PAIP1: variants seen among roughly 807,000 people sequenced by gnomAD.
PAIP1 encodes poly(A) binding protein interacting protein 1, also known as polyadenylate-binding protein-interacting protein 1.
A neutral mutation model predicts 61.3 loss-of-function variants in PAIP1; 16 were observed. The observed-to-expected ratio is 0.26, with a 90% CI of 0.18 to 0.40. The LOEUF (loss-of-function observed/expected upper bound fraction) is 0.40. PAIP1 is among the 10% of genes least tolerant of loss of function. The pLI, the probability that PAIP1 is intolerant of heterozygous loss-of-function variation, is 1.00. For missense variants in PAIP1, 416 were observed against 600.9 expected, an observed-to-expected ratio of 0.69 and a Z score of 3.22; for synonymous variants, 187 against 226.2, an observed-to-expected ratio of 0.83 and a Z score of 1.56.
intron 2 of PAIP1, among the ~76,000 whole-genome samples, chr5:43,549,702 CTTT>C (rs1561237402): frequency 6.6e-6 from 1 of 151,944 alleles, no homozygotes; most frequent in Non-Finnish European, 1.5e-5. Context: ...ATGTTTTACA[CTTT>C]TTATTTTATC....
chr5:43,534,452 G>A (rs1747065082), intron 8 of PAIP1, among the ~76,000 whole-genome samples: 1 of 152,154 alleles, frequency 6.6e-6, no homozygotes, highest in Non-Finnish European at 1.5e-5. Context: ...GCCCACCTTG[G>A]CCTCCCAAAG....
At chr5:43,530,343 C>T (rs1232595437) in intron 9 of PAIP1, among the ~76,000 whole-genome samples, 1 of 152,186 alleles carries the variant, frequency 6.6e-6, no homozygotes, top group East Asian at 1.9e-4. Context: ...ACCTGGTAAA[C>T]GTTTCAGCTC....
In PAIP1 at chr5:43,556,641, C is replaced by G; in HGVS notation, c.206G>C (p.Gly69Ala). The G allele has an allele frequency of 7.9e-7, 1 of 1,263,916 alleles. No individual in the cohort carries two copies. The highest frequency in any genetic ancestry group is 1.0e-6 in the Non-Finnish European group (1 of 1,003,822). 78.3% of individuals were successfully genotyped at this position (1,263,916 alleles called of 1,614,324 possible). A position where few individuals can be genotyped will look rare whatever the true frequency, so the allele number is the denominator to read the frequency against. ...LRQPRTTPPP[G>A]AQCEVPASPQ... is the part of the protein sequence containing the mutation. ...GCTGGCGGGGACCTCGCACTGGGCC[C>G]CTGGCGGCGGGGTCGTCCTGGGCTG... The change falls in exon 1 of 11, where the codon GGG becomes GCG. Residue 69 changes from glycine (G) to alanine (A), a missense_variant. Around this residue, in one of 4 missense-constraint regions of PAIP1, gnomAD observed 180 missense variants for 211.2 expected, o/e 0.85. Coordinates refer to ENST00000306846, the MANE Select transcript of PAIP1 (RefSeq NM_006451.5).
chr5:43,544,404 A>G (rs1287844964), intron 3 of PAIP1, among the ~76,000 whole-genome samples: 1 of 151,946 alleles, frequency 6.6e-6, no homozygotes, highest in Non-Finnish European at 1.5e-5. Flanking sequence ...CATTTTTCCC[A>G]TTATTGGCAC....
At chr5:43,542,222 C>T (rs1023638193) in intron 4 of PAIP1, among the ~76,000 whole-genome samples, 1 of 148,302 alleles carries the variant, frequency 6.7e-6, no homozygotes, top group Non-Finnish European at 1.5e-5. Flanking sequence ...ACTAATTACC[C>T]TAAGATATTT....
At chr5:43,541,732 T>C (rs1747422466) in intron 4 of PAIP1, among the ~76,000 whole-genome samples, 1 of 82,130 alleles carries the variant, frequency 1.2e-5, no homozygotes, top group African/African-American at 5.4e-5. Flanking sequence ...GATAACCTTG[T>C]TACTGAAGAC....
At chr5:43,556,171 A>C in intron 1 of PAIP1, 172 bp from the exon 2 acceptor site, 18 of 1,402,896 alleles carry the variant, frequency 1.3e-5, no homozygotes, top group Non-Finnish European at 1.7e-5. Context: ...AAAAGGAACA[A>C]TAGACTTGCT....
At chr5:43,528,114 G>A in intron 10 of PAIP1, among the ~76,000 whole-genome samples, 1 of 151,928 alleles carries the variant, frequency 6.6e-6, no homozygotes, top group Non-Finnish European at 1.5e-5. Flanking sequence ...GTCAATTAAG[G>A]ATTTAATCTA....
At chr5:43,548,401 AAAAAC>A (rs1747731559) in intron 2 of PAIP1, among the ~76,000 whole-genome samples, 1 of 151,728 alleles carries the variant, frequency 6.6e-6, no homozygotes, top group Non-Finnish European at 1.5e-5. Flanking sequence ...TGGGGAAAAA[AAAAAC>A]AAAAACAAAA....
At chr5:43,556,254 G>A (rs1021444140) in intron 1 of PAIP1, 2 of 1,279,244 alleles carry the variant, frequency 1.6e-6, no homozygotes, top group Non-Finnish European at 2.0e-6. Context: ...TCGTTTTAAA[G>A]GGGTCGGTGG....
intron 2 of PAIP1, among the ~76,000 whole-genome samples, chr5:43,551,296 A>G (rs1298652411): frequency 6.6e-6 from 1 of 152,196 alleles, no homozygotes; most frequent in East Asian, 1.9e-4. Flanking sequence ...TTAAAACCCA[A>G]TTTTATGTAC....
intron 6 of PAIP1, among the ~76,000 whole-genome samples, chr5:43,536,503 G>GCAAAAA (rs1747162123): frequency 6.6e-6 from 1 of 152,014 alleles, no homozygotes; most frequent in Admixed American, 6.5e-5. Flanking sequence ...TCATTAGGTG[G>GCAAAAA]CAAAAACAAA....
chr5:43,546,433 G>A (rs1470566057), intron 3 of PAIP1, among the ~76,000 whole-genome samples: 6 of 152,192 alleles, frequency 3.9e-5, no homozygotes, highest in African/African-American at 7.2e-5. Context: ...AGGACAAACA[G>A]TGCAGTTCTG....
chr5:43,546,862 G>A (rs1436930196), intron 3 of PAIP1, among the ~76,000 whole-genome samples: 3 of 151,836 alleles, frequency 2.0e-5, no homozygotes, highest in African/African-American at 2.4e-5. Flanking sequence ...GGTCAACACG[G>A]TGGAACCCTG....
chr5:43,529,277 T>G (rs187108677), intron 10 of PAIP1, among the ~76,000 whole-genome samples: 1 of 152,344 alleles, frequency 6.6e-6, no homozygotes, highest in African/African-American at 2.4e-5. Context: ...ATAATTATGC[T>G]TAAGTATACT....
chr5:43,539,483 ACAC>A (rs1464864835), intron 4 of PAIP1, among the ~76,000 whole-genome samples: 2 of 149,798 alleles, frequency 1.3e-5, no homozygotes, highest in South Asian at 2.1e-4. Flanking sequence ...ACACACACAC[ACAC>A]AACCTCCAAC....
At chr5:43,538,447 A>T (rs4513704) in intron 5 of PAIP1, among the ~76,000 whole-genome samples, 59,064 of 152,072 alleles carry the variant, frequency 0.39, 14,178 homozygotes, top group East Asian at 0.78. Flanking sequence ...TACCATAAAG[A>T]TATAATTTTT....
intron 2 of PAIP1, among the ~76,000 whole-genome samples, chr5:43,555,208 G>C (rs895649890): frequency 5.3e-5 from 8 of 152,150 alleles, no homozygotes; most frequent in African/African-American, 1.7e-4. Flanking sequence ...CACTTTATGA[G>C]ACTGAGCTAA....
chr5:43,554,413 C>T (rs185706979), intron 2 of PAIP1, among the ~76,000 whole-genome samples: 26 of 152,304 alleles, frequency 1.7e-4, no homozygotes, highest in African/African-American at 6.0e-4. Flanking sequence ...TTCTACCTTA[C>T]ACGATAGATG....
Sources: allele counts gnomAD v4.1 joint callset (sites outside exome capture counted in the v4.1 genomes callset), GRCh38; gene constraint gnomAD v4.1.1; regional missense constraint gnomAD v4.1.1; transcripts MANE v1.5; gene names NCBI Gene and HGNC (gene_info 2026-07-23, HGNC 2026-07-21).